PPP1R21: variants seen among roughly 807,000 people sequenced by gnomAD.
The protein encoded by PPP1R21 is KLRAQ motif containing 1.
In PPP1R21, 85 loss-of-function variants were observed where a neutral mutation model predicts 112.8. That is an observed-to-expected ratio of 0.75 (90% CI 0.63 to 0.90). PPP1R21 has a LOEUF of 0.90. Among genes scored for constraint, PPP1R21 ranks in the 40% least tolerant of loss-of-function variants. PPP1R21 has a pLI of 0.00. For missense variants in PPP1R21, 1,199 were observed against 901.5 expected (o/e 1.33, Z -4.23); for synonymous variants, 381 against 322.3 (o/e 1.18, Z -1.95).
At chr2:48,458,372 T>C in intron 4 of PPP1R21, 145 bp downstream of exon 4, 2 of 535,354 alleles carry the variant, frequency 3.7e-6, no homozygotes, top group Admixed American at 6.2e-5. Context: ...TCACTGTCAC[T>C]TATTCATTTC....
At chr2:48,442,040 C>G (rs946701834) in intron 1 of PPP1R21, among the ~76,000 whole-genome samples, 2 of 152,190 alleles carry the variant, frequency 1.3e-5, no homozygotes, top group Non-Finnish European at 2.9e-5. Flanking sequence ...TCTTTTGAGA[C>G]ACTACACTTA....
At chr2:48,494,761 A>C (rs1669746900) in intron 15 of PPP1R21, among the ~76,000 whole-genome samples, 1 of 152,138 alleles carries the variant, frequency 6.6e-6, no homozygotes, top group Non-Finnish European at 1.5e-5. Flanking sequence ...TCTGTCGCCC[A>C]GGCTGGAGTG....
rs142745029 is a variant in PPP1R21, at chr2:48,480,507, G to T, written c.1318+491G>T. 2.0e-3 allele frequency among the ~76,000 whole-genome samples: 303 copies of T among 152,292 alleles called. 1 individual carries two copies. The highest frequency in any genetic ancestry group is 6.7e-3 in the African/African-American group (280 of 41,564). Reference sequence around the variant, plus strand: ...CCTTAAGAAATGAAAGTCTGGTTTTGCATTTTGGTCAGTTTTCAATTGCTT... The same window carrying T: ...CCTTAAGAAATGAAAGTCTGGTTTTTCATTTTGGTCAGTTTTCAATTGCTT... On this transcript the variant is annotated intron_variant, in intron 13 of 21. Coordinates refer to ENST00000294952, the MANE Select transcript of PPP1R21 (RefSeq NM_001135629.3).
intron 12 of PPP1R21, among the ~76,000 whole-genome samples, chr2:48,478,404 T>C (rs947159373): frequency 4.6e-5 from 7 of 152,222 alleles, no homozygotes; most frequent in Admixed American, 4.6e-4. Flanking sequence ...GTAAGTTTTG[T>C]GCCATGATGT....
intron 18 of PPP1R21, among the ~76,000 whole-genome samples, chr2:48,506,074 AAATATT>A (rs1670360204): frequency 6.6e-6 from 1 of 152,156 alleles, no homozygotes; most frequent in Non-Finnish European, 1.5e-5. Context: ...TTGAATTTTG[AAATATT>A]CTAAGATGTA....
intron 13 of PPP1R21, among the ~76,000 whole-genome samples, chr2:48,484,865 A>G (rs764284332): frequency 5.3e-5 from 8 of 152,202 alleles, no homozygotes; most frequent in Non-Finnish European, 7.3e-5. Flanking sequence ...CTACAATAGC[A>G]TTGTTCTTAG....
At chr2:48,469,132 G>A (rs1668341563) in intron 9 of PPP1R21, among the ~76,000 whole-genome samples, 1 of 151,286 alleles carries the variant, frequency 6.6e-6, no homozygotes, top group Non-Finnish European at 1.5e-5. Context: ...ACTAGCCCAG[G>A]AAAGACTGGC....
In PPP1R21 at chr2:48,486,735, G is replaced by C. The variant is rs1669318239; in HGVS notation, c.1423G>C (p.Ala475Pro). 3 of 1,613,524 alleles carry C rather than the reference G, an allele frequency of 1.9e-6. No individual in the cohort carries two copies. The highest frequency in any genetic ancestry group is 1.6e-4 in the Middle Eastern group (1 of 6,062). The change falls in exon 14 of 22, where the codon GCA becomes CCA. Residue 475 changes from alanine (A) to proline (P), a missense_variant. By Grantham distance (27) the Ala-to-Pro change is conservative. Transcript: ENST00000294952. The stretch of plus-strand genomic sequence containing the variant: ...TGACTGTATCCTGTCATCAGTAGTG[G>C]CATTAACAAATGGAGCAGGAAAGGT... Reference protein sequence around the residue: ...TNDCILSSVVALTNGAGKIAS... With the variant: ...TNDCILSSVVPLTNGAGKIAS...
At chr2:48,485,656 T>C (rs1292064512) in intron 13 of PPP1R21, among the ~76,000 whole-genome samples, 1 of 151,696 alleles carries the variant, frequency 6.6e-6, no homozygotes, top group Non-Finnish European at 1.5e-5. Flanking sequence ...TCATGGACCA[T>C]AGTAATTTTG....
intron 20 of PPP1R21, 35 bp from the exon 21 acceptor site, chr2:48,511,305 G>A: frequency 2.5e-6 from 4 of 1,597,636 alleles, no homozygotes; most frequent in Middle Eastern, 3.3e-4. Flanking sequence ...ACGACTCGTG[G>A]GATGTTGATT....
intron 16 of PPP1R21, among the ~76,000 whole-genome samples, chr2:48,498,214 T>G (rs1328376480): frequency 6.6e-6 from 1 of 152,148 alleles, no homozygotes; most frequent in Non-Finnish European, 1.5e-5. Flanking sequence ...GGATAAATGC[T>G]TTACAGATTC....
chr2:48,454,722 C>T lies in PPP1R21; in HGVS notation c.254C>T (p.Pro85Leu). 6.2e-7 allele frequency: 1 copy of T among 1,613,934 alleles called. No individual in the cohort carries two copies. The highest frequency in any genetic ancestry group is 8.5e-7 in the Non-Finnish European group (1 of 1,179,876). Residue 85 changes from proline to leucine, a missense_variant, in exon 3 of 22, where the codon CCA becomes CTA. Pro to Leu is a moderately conservative substitution (Grantham distance 98). Transcript: ENST00000294952. Reference sequence around the variant, plus strand: ...CAAGATGAACTAGCTCTAAGTGAACCACGAGGCAAGAAAAACAAGGTAGGT... The same window carrying T: ...CAAGATGAACTAGCTCTAAGTGAACTACGAGGCAAGAAAAACAAGGTAGGT... Reference protein sequence around the residue: ...LLQDELALSEPRGKKNKKSGE... With the variant: ...LLQDELALSELRGKKNKKSGE...
At chr2:48,482,643 CTGT>C (rs201414855) in intron 13 of PPP1R21, among the ~76,000 whole-genome samples, 2 of 139,120 alleles carry the variant, frequency 1.4e-5, no homozygotes, top group Non-Finnish European at 3.1e-5. Context: ...AATAAAGACA[CTGT>C]TTTTTTTTTT....
At chr2:48,480,119 A>G (rs1230026058) in intron 13 of PPP1R21, 103 bp downstream of exon 13, 1 of 794,772 alleles carries the variant, frequency 1.3e-6, no homozygotes, top group Non-Finnish European at 2.2e-6. Flanking sequence ...TAGACCCCAG[A>G]TAAAGGCTTA....
Position 48,440,833 on chromosome 2 carries a change from G to GGCGGCGGCT in PPP1R21, c.-119_-118insGGCGGCTGC, listed in dbSNP as rs1457294406. 4 of 701,668 alleles carry GGCGGCGGCT rather than the reference G, an allele frequency of 5.7e-6. No homozygotes were observed. The highest frequency in any genetic ancestry group is 1.7e-5 in the South Asian group (1 of 58,792). The allele number at this position is 701,668 out of a possible 1,614,324, so 43.5% of individuals were successfully genotyped here. A position where few individuals can be genotyped will look rare whatever the true frequency, so the allele number is the denominator to read the frequency against. The stretch of plus-strand genomic sequence containing the variant: ...GAGGCGCGGCGGCGGCGGCGGCGGC[G>GGCGGCGGCT]GCTGCGGTGGCCAAGCAGGCAGATA... On this transcript the variant is annotated 5_prime_UTR_variant, in exon 1 of 22. Transcript: ENST00000294952.
intron 17 of PPP1R21, among the ~76,000 whole-genome samples, chr2:48,502,312 C>A (rs1169041028): frequency 1.3e-5 from 2 of 152,136 alleles, no homozygotes; most frequent in Non-Finnish European, 2.9e-5. Context: ...GCCAGCACTC[C>A]TATAACAAAA....
rs934970327 is a variant in PPP1R21, at chr2:48,457,069, T to C, written c.274-1057T>C. Among the ~76,000 whole-genome samples the C allele has an allele frequency of 4.6e-5, 7 of 151,706 alleles. No individual in the cohort carries two copies. The East Asian group carries it at 1.4e-3, about 29-fold the overall frequency. On this transcript the variant is annotated intron_variant, in intron 3 of 21. Transcript: ENST00000294952. Reference sequence around the variant, plus strand: ...TCCCTCTCAAAAAAAAAAAGATACATGCCCTGGAAATTCTGAAAGACCCTT... The same window carrying C: ...TCCCTCTCAAAAAAAAAAAGATACACGCCCTGGAAATTCTGAAAGACCCTT...
intron 13 of PPP1R21, among the ~76,000 whole-genome samples, chr2:48,483,349 T>C (rs1669122433): frequency 6.6e-6 from 1 of 151,862 alleles, no homozygotes; most frequent in Non-Finnish European, 1.5e-5. Context: ...GCCGGCTAAT[T>C]TTTTTGTATT....
At chr2:48,462,848 T>C (rs1252695309) in intron 7 of PPP1R21, among the ~76,000 whole-genome samples, 2 of 152,280 alleles carry the variant, frequency 1.3e-5, no homozygotes, top group East Asian at 3.9e-4. Flanking sequence ...ACTATTGTGA[T>C]GATAGTTTTG....
Sources: allele counts gnomAD v4.1 joint callset (sites outside exome capture counted in the v4.1 genomes callset), GRCh38; gene constraint gnomAD v4.1.1; transcripts MANE v1.5; gene names NCBI Gene and HGNC (gene_info 2026-07-23, HGNC 2026-07-21).